The following DYNC1I1 variants were observed in gnomAD, a reference collection of about 807,000 sequenced individuals.
DYNC1I1 encodes the protein dynein cytoplasmic 1 intermediate chain 1.
DYNC1I1 carries 43 observed loss-of-function variants against 86.6 expected under a neutral mutation model. The observed-to-expected ratio is 0.50, with a 90% CI of 0.39 to 0.64. The LOEUF (loss-of-function observed/expected upper bound fraction) is 0.64. Ranked by LOEUF, DYNC1I1 falls within the 30% of genes least tolerant of loss-of-function variation. The probability of loss-of-function intolerance (pLI) is 0.00; values close to 1 mark genes in which losing one functional copy is unlikely to be tolerated. For synonymous variants in DYNC1I1, 262 were observed against 283.7 expected (o/e 0.92, Z 0.77); for missense variants, 604 against 788.8 (o/e 0.77, Z 2.81).
chr7:96,047,460 A>G (rs1420791229), intron 14 of DYNC1I1, among the ~76,000 whole-genome samples: 1 of 152,222 alleles, frequency 6.6e-6, no homozygotes, highest in Non-Finnish European at 1.5e-5. Context: ...GCGTGAGAAC[A>G]GGATGCTCAA....
At chr7:95,836,373 C>T (rs1468841892) in intron 5 of DYNC1I1, among the ~76,000 whole-genome samples, 4 of 151,916 alleles carry the variant, frequency 2.6e-5, no homozygotes, top group African/African-American at 4.8e-5. Flanking sequence ...GAGGGTAACC[C>T]GACCTTTCTC....
chr7:95,993,942 G>C (rs1172251221), intron 9 of DYNC1I1, among the ~76,000 whole-genome samples: 1 of 152,116 alleles, frequency 6.6e-6, no homozygotes, highest in Non-Finnish European at 1.5e-5. Context: ...TCCTATGTAG[G>C]AATGACATTT....
chr7:96,018,710 G>A (rs112102836), intron 10 of DYNC1I1, among the ~76,000 whole-genome samples: 2 of 152,116 alleles, frequency 1.3e-5, no homozygotes, highest in Non-Finnish European at 2.9e-5. Context: ...GGAGAAACAA[G>A]GAGAGATGTA....
intron 1 of DYNC1I1, among the ~76,000 whole-genome samples, chr7:95,796,431 T>C (rs1794437539): frequency 6.6e-6 from 1 of 152,010 alleles, no homozygotes; most frequent in Admixed American, 6.6e-5. Context: ...TGCCTCAGCC[T>C]TCCCGAGTAG....
At chr7:96,023,314 T>C (rs994295540) in intron 10 of DYNC1I1, among the ~76,000 whole-genome samples, 2 of 152,150 alleles carry the variant, frequency 1.3e-5, no homozygotes, top group Non-Finnish European at 2.9e-5. Context: ...AGCAGAACCC[T>C]TATTTCTCCC....
chr7:96,108,380 AGTTTT>A (rs1186602460), intron 16 of DYNC1I1, among the ~76,000 whole-genome samples: 2 of 151,994 alleles, frequency 1.3e-5, no homozygotes, highest in South Asian at 4.1e-4. Context: ...ATTGTTTTAG[AGTTTT>A]GTTTTGTTTT....
At chr7:96,049,331 T>C (rs1046463367) in intron 14 of DYNC1I1, among the ~76,000 whole-genome samples, 2 of 151,108 alleles carry the variant, frequency 1.3e-5, no homozygotes, top group Non-Finnish European at 2.9e-5. Context: ...TTTATCTTAA[T>C]AAAAGAGGCA....
At chr7:96,004,409 GT>G (rs1236974056) in intron 10 of DYNC1I1, among the ~76,000 whole-genome samples, 5 of 151,762 alleles carry the variant, frequency 3.3e-5, no homozygotes, top group African/African-American at 7.3e-5. Context: ...AAGCCATTAT[GT>G]TTTTTTCCTT....
downstream of DYNC1I1, among the ~76,000 whole-genome samples, chr7:96,101,338 C>T (rs1424002952): frequency 1.3e-5 from 2 of 152,086 alleles, no homozygotes; most frequent in African/African-American, 2.4e-5. Flanking sequence ...AAGCCACATA[C>T]CTCTGCTCAC....
In DYNC1I1 at chr7:95,987,007, G is replaced by A. The variant is rs762930113; in HGVS notation, c.744-49G>A. ...CCATATCAGTGCTTCTATATGAGCA[G>A]CATAGAGAAAGAGCTCCATATTTAT... On this transcript the variant is annotated intron_variant, in intron 8 of 16. Transcript: ENST00000447467. The A allele has an allele frequency of 3.9e-6, 6 of 1,536,084 alleles. No individual in the cohort carries two copies. In the African/African-American group the frequency reaches 8.2e-5, roughly 21 times the overall value.
At chr7:95,986,730 T>C (rs1408499217) in intron 8 of DYNC1I1, among the ~76,000 whole-genome samples, 1 of 151,910 alleles carries the variant, frequency 6.6e-6, no homozygotes, top group East Asian at 2.0e-4. Context: ...AAGCCCTGCT[T>C]CAGGCCAGAG....
intron 1 of DYNC1I1, among the ~76,000 whole-genome samples, chr7:95,778,057 T>A (rs1339510400): frequency 6.6e-6 from 1 of 152,218 alleles, no homozygotes; most frequent in East Asian, 1.9e-4. Flanking sequence ...CAACTTCAAT[T>A]TAAAATGTAT....
At chr7:96,109,998 G>A in exon 17 of DYNC1I1, 1 of 393,632 alleles carries the variant, frequency 2.5e-6, no homozygotes, top group South Asian at 1.8e-5. Context: ...ATGTTGCCAG[G>A]CTGGTCTCAA....
At chr7:95,948,090 A>C (rs551682001) in intron 6 of DYNC1I1, among the ~76,000 whole-genome samples, 33 of 151,490 alleles carry the variant, frequency 2.2e-4, no homozygotes, top group African/African-American at 8.0e-4. Context: ...GTGGGCGAGT[A>C]AGAATTTAGC....
At chr7:96,019,039 G>A (rs1794474209) in intron 10 of DYNC1I1, among the ~76,000 whole-genome samples, 1 of 152,044 alleles carries the variant, frequency 6.6e-6, no homozygotes, top group African/African-American at 2.4e-5. Context: ...AGGAGTTTGT[G>A]TTTTTTGTTT....
intron 16 of DYNC1I1, among the ~76,000 whole-genome samples, chr7:96,088,099 T>C (rs903712535): frequency 6.6e-6 from 1 of 152,150 alleles, no homozygotes; most frequent in African/African-American, 2.4e-5. Flanking sequence ...ATTATATATG[T>C]AAAAGACCAT....
intron 1 of DYNC1I1, among the ~76,000 whole-genome samples, chr7:95,786,973 A>G (rs911347123): frequency 6.6e-6 from 1 of 152,210 alleles, no homozygotes; most frequent in Non-Finnish European, 1.5e-5. Flanking sequence ...GTCAGCTATC[A>G]TACTGCAGCT....
chr7:95,883,047 C>A (rs999786728), intron 6 of DYNC1I1, among the ~76,000 whole-genome samples: 2 of 152,078 alleles, frequency 1.3e-5, no homozygotes, highest in African/African-American at 4.8e-5. Context: ...CTAGTGAAAT[C>A]TTGTATTTTT....
At chr7:95,799,215 C>A (rs1423495845) in intron 1 of DYNC1I1, among the ~76,000 whole-genome samples, 4 of 151,908 alleles carry the variant, frequency 2.6e-5, no homozygotes, top group East Asian at 1.9e-4. Flanking sequence ...CCATCTCTAT[C>A]AAAAAATACA....
Sources: allele counts gnomAD v4.1 joint callset (sites outside exome capture counted in the v4.1 genomes callset), GRCh38; gene constraint gnomAD v4.1.1; transcripts MANE v1.5; gene names NCBI Gene and HGNC (gene_info 2026-07-23, HGNC 2026-07-21).